The following PRPSAP1 variants were observed in gnomAD, a reference collection of about 807,000 sequenced individuals.
The protein encoded by PRPSAP1 is phosphoribosyl pyrophosphate synthase-associated protein 1.
Under a neutral mutation model 39.4 loss-of-function variants are expected in PRPSAP1, and 31 were observed. That is an observed-to-expected ratio of 0.79 (90% CI 0.59 to 1.06). PRPSAP1 has a LOEUF of 1.06. PRPSAP1 is among the 50% of genes least tolerant of loss of function. The pLI is 0.00. For missense variants in PRPSAP1, 430 were observed against 511.6 expected, an observed-to-expected ratio of 0.84 and a Z score of 1.54; for synonymous variants, 212 against 192.6, an observed-to-expected ratio of 1.10 and a Z score of -0.83.
chr17:76,341,326 C>A (rs2071436431), intron 3 of PRPSAP1, among the ~76,000 whole-genome samples: 1 of 151,354 alleles, frequency 6.6e-6, no homozygotes, highest in Non-Finnish European at 1.5e-5. Flanking sequence ...TAGCCTCGAC[C>A]ACCCAGGCTC....
chr17:76,321,886 CAG>C (rs2071202039), intron 7 of PRPSAP1, among the ~76,000 whole-genome samples: 1 of 77,780 alleles, frequency 1.3e-5, no homozygotes, highest in African/African-American at 8.3e-5. Flanking sequence ...ATTACTGATA[CAG>C]AGAAGTTTGA....
At position 76,342,642 on chromosome 17, in the gene PRPSAP1, CAGG is replaced by C; in HGVS notation, c.290+2026_290+2028del. On this transcript the variant is annotated intron_variant, in intron 3 of 9. Transcript: ENST00000446526. Reference sequence around the variant, plus strand: ...TGAGGTGGGAGGATCGCTTTGAGTTCAGGAGCTTAAGGCTGCAGTGAGCCATGA... The same window carrying C: ...TGAGGTGGGAGGATCGCTTTGAGTTCAGCTTAAGGCTGCAGTGAGCCATGA... Among the ~76,000 whole-genome samples the C allele has an allele frequency of 6.6e-5, 10 of 151,158 alleles. 2 individuals carry two copies. The Admixed American group carries it at 6.6e-4, about 10-fold the overall frequency.
Position 76,311,503 on chromosome 17 carries a change from T to C in PRPSAP1, c.*39A>G. On this transcript the variant is annotated 3_prime_UTR_variant, in exon 10 of 10. Transcript: ENST00000446526. ...CACTCATGGCACTGCTTTTTCCATG[T>C]TTCCCTCAGGAGGTCCAGGGTCGAG... The C allele has an allele frequency of 1.3e-6, 2 of 1,590,500 alleles. No homozygotes were observed.
At chr17:76,313,775 A>C in intron 8 of PRPSAP1, 46 bp downstream of exon 8, 1 of 1,603,500 alleles carries the variant, frequency 6.2e-7, no homozygotes, top group African/African-American at 1.3e-5. Flanking sequence ...CTACTGACCA[A>C]GAGCCAGGAG....
In PRPSAP1 at chr17:76,330,594, T is replaced by C; in HGVS notation, c.536A>G (p.Asn179Ser). 6.2e-7 allele frequency: 1 copy of C among 1,613,310 alleles called. No homozygotes were observed. Among genetic ancestry groups the C allele is most frequent in the Non-Finnish European group, 8.5e-7 (1 of 1,179,410 alleles). Reference protein sequence around the residue: ...IQGFFSFPVDNLRASPFLLQY... With the variant: ...IQGFFSFPVDSLRASPFLLQY... ...AAGCAGGAAAGGTGAGGCTCTAAGG[T>C]TGTCCACAGGAAAGCTGAAAAAGCC... Residue 179 changes from asparagine to serine, a missense_variant, in exon 5 of 10, where the codon AAC becomes AGC. Physicochemically the swap from Asn to Ser is conservative, Grantham distance 46. Coordinates refer to ENST00000446526, the MANE Select transcript of PRPSAP1 (RefSeq NM_002766.3).
At chr17:76,326,399 G>GA (rs58837931) in intron 7 of PRPSAP1, among the ~76,000 whole-genome samples, 24 of 149,158 alleles carry the variant, frequency 1.6e-4, no homozygotes, top group Non-Finnish European at 2.8e-4. Context: ...TTACAAAGAG[G>GA]AAAAAAAAAA....
intron 7 of PRPSAP1, among the ~76,000 whole-genome samples, chr17:76,318,208 T>C (rs1317820002): frequency 2.6e-5 from 4 of 152,118 alleles, no homozygotes; most frequent in East Asian, 3.9e-4. Context: ...CCAGCACTTT[T>C]AGAGGCCAAG....
Position 76,328,847 on chromosome 17 carries a change from C to A in PRPSAP1, c.651G>T (p.Ala217=). The A allele has an allele frequency of 2.5e-6, 4 of 1,613,930 alleles. No individual in the cohort carries two copies. The highest frequency in any genetic ancestry group is 3.4e-6 in the Non-Finnish European group (4 of 1,179,940). The change falls in exon 7 of 10, where the codon GCG becomes GCT. Residue 217 remains alanine (A), a synonymous_variant. Coordinates refer to ENST00000446526, the MANE Select transcript of PRPSAP1 (RefSeq NM_002766.3). The part of the protein sequence containing the change: ...PDAAKRAQSY[A]ERLRLGLAVI... ...CGGCCAAACCCAGACGCAGTCTCTC[C>A]GCATAGGACTGGGCCCTAGAAGGAC...
At chr17:76,321,035 G>A (rs960764429) in intron 7 of PRPSAP1, among the ~76,000 whole-genome samples, 3 of 151,844 alleles carry the variant, frequency 2.0e-5, no homozygotes, top group African/African-American at 4.8e-5. Flanking sequence ...CTGGCACTTT[G>A]GCCTCCCAAA....
At position 76,330,595 on chromosome 17, in the gene PRPSAP1, T is replaced by G; in HGVS notation, c.535A>C (p.Asn179His). 6.2e-7 allele frequency: 1 copy of G among 1,613,344 alleles called. No homozygotes were observed. The highest frequency in any genetic ancestry group is 1.1e-5 in the South Asian group (1 of 90,998). ...AGCAGGAAAGGTGAGGCTCTAAGGT[T>G]GTCCACAGGAAAGCTGAAAAAGCCT... ...IQGFFSFPVD[N>H]LRASPFLLQY... The change falls in exon 5 of 10, where the codon AAC (asparagine) becomes CAC (histidine). Residue 179 changes from asparagine to histidine, a missense_variant. Around this residue, in one of 2 missense-constraint regions of PRPSAP1, gnomAD observed 278 missense variants for 376.3 expected, o/e 0.74. Transcript: ENST00000446526.
chr17:76,329,713 G>A (rs550928986), intron 6 of PRPSAP1, among the ~76,000 whole-genome samples: 10 of 151,064 alleles, frequency 6.6e-5, no homozygotes, highest in African/African-American at 1.7e-4. Flanking sequence ...TCCAGCCTAG[G>A]TGACAGAATG....
chr17:76,316,626 G>A (rs1180828326), intron 7 of PRPSAP1, among the ~76,000 whole-genome samples: 1 of 152,158 alleles, frequency 6.6e-6, no homozygotes, highest in East Asian at 1.9e-4. Flanking sequence ...ACTACCCTAA[G>A]TTTAGATTCT....
chr17:76,348,100 C>T (rs937133612), intron 2 of PRPSAP1, among the ~76,000 whole-genome samples: 1 of 152,038 alleles, frequency 6.6e-6, no homozygotes, highest in Non-Finnish European at 1.5e-5. Context: ...GGTGGGAAGA[C>T]TGCTTGAGCT....
intron 1 of PRPSAP1, among the ~76,000 whole-genome samples, chr17:76,349,977 T>C (rs2071550118): frequency 6.6e-6 from 1 of 151,496 alleles, no homozygotes. Flanking sequence ...TCCCAGTTAC[T>C]TGGGAGCTGA....
intron 7 of PRPSAP1, among the ~76,000 whole-genome samples, chr17:76,325,148 G>A (rs368953082): frequency 2.1e-5 from 3 of 142,488 alleles, no homozygotes; most frequent in African/African-American, 5.2e-5. Context: ...AGTGGTTTAC[G>A]CCTGTAATCC....
At position 76,353,523 on chromosome 17, in the gene PRPSAP1, C is replaced by T; in HGVS notation, c.170+11G>A. The T allele has an allele frequency of 8.0e-6, 12 of 1,496,174 alleles. No individual in the cohort carries two copies. Among genetic ancestry groups the T allele is most frequent in the Non-Finnish European group, 1.1e-5 (12 of 1,126,676 alleles). 92.7% of individuals were successfully genotyped at this position (1,496,174 alleles called of 1,614,324 possible). ...GCCGCCCCCGGCCCGGCCCTCCCAC[C>T]GCCCCCTTACTCTGTGATGCGCTTG... On this transcript the variant is annotated intron_variant, in intron 1 of 9. Transcript: ENST00000446526.
chr17:76,331,143 A>T (rs1404442851), intron 4 of PRPSAP1, among the ~76,000 whole-genome samples: 2 of 152,218 alleles, frequency 1.3e-5, no homozygotes, highest in Admixed American at 1.3e-4. Context: ...TAATTTCTGT[A>T]TGTAACAAAG....
chr17:76,352,357 G>A (rs2071584401), intron 1 of PRPSAP1, among the ~76,000 whole-genome samples: 1 of 152,114 alleles, frequency 6.6e-6, no homozygotes, highest in East Asian at 1.9e-4. Context: ...TAGAAAAGAG[G>A]CCATTTCACC....
chr17:76,344,758 G>T (rs771777222), intron 2 of PRPSAP1, 21 bp from the exon 3 acceptor site: 1 of 1,513,354 alleles, frequency 6.6e-7, no homozygotes, highest in Non-Finnish European at 9.0e-7. Flanking sequence ...AAAATGTTCT[G>T]AAGTTTTAAG....
Sources: gnomAD v4.1 joint callset for allele counts (sites outside exome capture counted in the v4.1 genomes callset) on GRCh38, gnomAD v4.1.1 for gene constraint, gnomAD v4.1.1 regional missense constraint, MANE v1.5 for transcripts, NCBI Gene and HGNC (gene_info 2026-07-23, HGNC 2026-07-21) for gene names.